The following SLC25A12 variants were observed in gnomAD, a reference collection of about 807,000 sequenced individuals.
The protein encoded by SLC25A12 is solute carrier family 25 member 12.
In SLC25A12, 32 loss-of-function variants were observed where a neutral mutation model predicts 83.3. The ratio of observed to expected loss-of-function variants is 0.38; its 90% confidence interval spans 0.29 to 0.52. The LOEUF is 0.52. SLC25A12 is among the 20% of genes least tolerant of loss of function. The probability of loss-of-function intolerance (pLI) is 0.84; values close to 1 mark genes in which losing one functional copy is unlikely to be tolerated. For synonymous variants in SLC25A12, 267 were observed against 291.1 expected, an observed-to-expected ratio of 0.92 and a Z score of 0.84; for missense variants, 611 against 835.6, an observed-to-expected ratio of 0.73 and a Z score of 3.31.
At chr2:171,846,870 C>T (rs1266373848) in intron 4 of SLC25A12, among the ~76,000 whole-genome samples, 1 of 152,118 alleles carries the variant, frequency 6.6e-6, no homozygotes, top group Non-Finnish European at 1.5e-5. Context: ...GTATAATTTA[C>T]ATCTGGAAAA....
At chr2:171,789,175 G>A (rs1368889630) in intron 15 of SLC25A12, among the ~76,000 whole-genome samples, 1 of 152,172 alleles carries the variant, frequency 6.6e-6, no homozygotes, top group Non-Finnish European at 1.5e-5. Context: ...CACTTTGGAA[G>A]GCCAAGATGG....
At chr2:171,822,453 A>G (rs1574699174) in intron 9 of SLC25A12, among the ~76,000 whole-genome samples, 3 of 152,304 alleles carry the variant, frequency 2.0e-5, no homozygotes, top group African/African-American at 7.2e-5. Context: ...GTGTGATCAC[A>G]GCTGACTGCA....
chr2:171,842,980 C>T (rs1302416274), intron 5 of SLC25A12, among the ~76,000 whole-genome samples: 1 of 152,110 alleles, frequency 6.6e-6, no homozygotes, highest in Non-Finnish European at 1.5e-5. Context: ...ACCACCTCGC[C>T]TGGCTAATTT....
chr2:171,855,809 A>T, intron 4 of SLC25A12, 25 bp downstream of exon 4: 1 of 1,277,274 alleles, frequency 7.8e-7, no homozygotes, highest in Non-Finnish European at 1.1e-6. Flanking sequence ...TTAACTTATC[A>T]CTTATAATCT....
At chr2:171,874,055 C>T (rs1685511016) in intron 2 of SLC25A12, among the ~76,000 whole-genome samples, 1 of 152,044 alleles carries the variant, frequency 6.6e-6, no homozygotes, top group African/African-American at 2.4e-5. Flanking sequence ...GGAGAAACCC[C>T]ATCTCTACTA....
chr2:171,893,705 C>G (rs952285543), intron 1 of SLC25A12, among the ~76,000 whole-genome samples: 3 of 152,192 alleles, frequency 2.0e-5, no homozygotes, highest in East Asian at 3.8e-4. Context: ...CTCTCCCCAT[C>G]CAACCTAAAA....
chr2:171,833,165 C>A (rs1684479644), intron 8 of SLC25A12, among the ~76,000 whole-genome samples: 1 of 152,138 alleles, frequency 6.6e-6, no homozygotes, highest in Non-Finnish European at 1.5e-5. Context: ...GATGCCTGCC[C>A]TGGCCATCAA....
intron 9 of SLC25A12, among the ~76,000 whole-genome samples, chr2:171,821,938 C>T (rs1684201842): frequency 6.6e-6 from 1 of 152,084 alleles, no homozygotes. Flanking sequence ...CTTGTGTTAT[C>T]CTCTTTAATC....
intron 3 of SLC25A12, among the ~76,000 whole-genome samples, chr2:171,857,756 T>C (rs1486255557): frequency 6.6e-6 from 1 of 151,258 alleles, no homozygotes; most frequent in East Asian, 1.9e-4. Flanking sequence ...CCAGGTGCAA[T>C]GTCATGAACC....
At chr2:171,806,214 C>G (rs1683824300) in intron 13 of SLC25A12, among the ~76,000 whole-genome samples, 1 of 152,176 alleles carries the variant, frequency 6.6e-6, no homozygotes, top group South Asian at 2.1e-4. Flanking sequence ...AATCCCAGCA[C>G]TTTGGGAGGC....
chr2:171,841,324 C>T (rs1034879940), intron 5 of SLC25A12, among the ~76,000 whole-genome samples: 2 of 152,178 alleles, frequency 1.3e-5, no homozygotes. Flanking sequence ...AAGTGATCAG[C>T]CCGCCTTGGC....
At chr2:171,861,646 G>T (rs995514901) in intron 3 of SLC25A12, among the ~76,000 whole-genome samples, 1 of 152,186 alleles carries the variant, frequency 6.6e-6, no homozygotes, top group Non-Finnish European at 1.5e-5. Context: ...AGCCTCAGGA[G>T]ATCCTCCTGC....
rs1285892394 is a variant in SLC25A12 at position 171,791,509 on chromosome 2, C to T, written c.1527G>A (p.Leu509=). The change falls in exon 15 of 18, where the codon CTG becomes CTA. Residue 509 remains leucine (L), a synonymous_variant. Coordinates refer to ENST00000422440, the MANE Select transcript of SLC25A12 (RefSeq NM_003705.5). ...FPVYAHCKLL[L]ADENGHVGGL... The stretch of plus-strand genomic sequence containing the variant: ...CTCCCACGTGTCCATTTTCATCAGC[C>T]AGAAGTAGTTTGCAATGAGCATAAA... 1.2e-6 allele frequency: 2 copies of T among 1,613,742 alleles called. No individual in the cohort carries two copies. The highest frequency in any genetic ancestry group is 2.7e-5 in the African/African-American group (2 of 74,844).
chr2:171,867,415 G>A (rs555657008), intron 3 of SLC25A12, among the ~76,000 whole-genome samples: 3,198 of 152,288 alleles, frequency 0.021, 53 homozygotes, highest in Middle Eastern at 0.037. Context: ...CGGATCACTC[G>A]CGGTTAGGAG....
intron 2 of SLC25A12, among the ~76,000 whole-genome samples, chr2:171,887,243 C>T (rs1685840921): frequency 6.6e-6 from 1 of 152,206 alleles, no homozygotes; most frequent in African/African-American, 2.4e-5. Context: ...ATCTTCTCCT[C>T]TTTATTCTCT....
intron 4 of SLC25A12, among the ~76,000 whole-genome samples, chr2:171,845,347 G>C (rs1469384739): frequency 6.6e-6 from 1 of 151,286 alleles, no homozygotes; most frequent in African/African-American, 2.4e-5. Flanking sequence ...ACTTTAACAA[G>C]CATAGACTGG....
chr2:171,861,703 T>C (rs1685164274), intron 3 of SLC25A12, among the ~76,000 whole-genome samples: 1 of 152,194 alleles, frequency 6.6e-6, no homozygotes, highest in African/African-American at 2.4e-5. Flanking sequence ...CCACCATGCC[T>C]GGCTCCAGAA....
chr2:171,805,553 A>G (rs1301355317), intron 13 of SLC25A12, among the ~76,000 whole-genome samples: 1 of 152,220 alleles, frequency 6.6e-6, no homozygotes, highest in Non-Finnish European at 1.5e-5. Flanking sequence ...CACAATTTTG[A>G]TATTTACTAA....
At chr2:171,832,510 T>C (rs1684462855) in intron 8 of SLC25A12, among the ~76,000 whole-genome samples, 1 of 152,204 alleles carries the variant, frequency 6.6e-6, no homozygotes, top group Non-Finnish European at 1.5e-5. Context: ...GCCAACTGGA[T>C]TGGAAGCTGT....
Sources: allele counts gnomAD v4.1 joint callset (sites outside exome capture counted in the v4.1 genomes callset), GRCh38; gene constraint gnomAD v4.1.1; transcripts MANE v1.5; gene names NCBI Gene and HGNC (gene_info 2026-07-23, HGNC 2026-07-21).